EPC2: variants seen among roughly 807,000 people sequenced by gnomAD.
The protein encoded by EPC2 is enhancer of polycomb 2, also known as enhancer of polycomb homolog 2.
EPC2 carries 14 observed loss-of-function variants against 92.1 expected under a neutral mutation model. That is an observed-to-expected ratio of 0.15 (90% confidence interval 0.10 to 0.24). EPC2 has a LOEUF of 0.24. Among genes scored for constraint, EPC2 ranks in the 10% least tolerant of loss-of-function variants. The probability of loss-of-function intolerance (pLI) is 1.00; values close to 1 mark genes in which losing one functional copy is unlikely to be tolerated. For synonymous variants in EPC2, 340 were observed against 334.7 expected, an observed-to-expected ratio of 1.02 and a Z score of -0.17; for missense variants, 755 against 971.5, an observed-to-expected ratio of 0.78 and a Z score of 2.96.
chr2:148,734,677 A>C (rs1016210592), intron 2 of EPC2, among the ~76,000 whole-genome samples: 1 of 152,074 alleles, frequency 6.6e-6, no homozygotes, highest in African/African-American at 2.4e-5. Flanking sequence ...ATCTTTGGAG[A>C]TAGGTGCATT....
chr2:148,754,755 A>C (rs1016591588), intron 4 of EPC2, among the ~76,000 whole-genome samples: 2 of 152,170 alleles, frequency 1.3e-5, no homozygotes, highest in Non-Finnish European at 2.9e-5. Context: ...TTCGATTTCA[A>C]ATTGATGAGC....
chr2:148,727,283 C>T (rs1479646385), intron 2 of EPC2, among the ~76,000 whole-genome samples: 1 of 152,260 alleles, frequency 6.6e-6, no homozygotes. Flanking sequence ...TTCCATTGGT[C>T]TGTATGTCTG....
At chr2:148,726,613 G>A (rs1682499261) in intron 2 of EPC2, among the ~76,000 whole-genome samples, 1 of 151,322 alleles carries the variant, frequency 6.6e-6, no homozygotes, top group African/African-American at 2.4e-5. Flanking sequence ...GTGTTTTTTT[G>A]TTTGTTTTTT....
intron 7 of EPC2, among the ~76,000 whole-genome samples, chr2:148,767,179 C>CAG: frequency 7.4e-6 from 1 of 134,444 alleles, no homozygotes; most frequent in Admixed American, 7.9e-5. Flanking sequence ...GCCTGGGCGA[C>CAG]AGAGCAAGAC....
chr2:148,745,899 T>G (rs1054998964), intron 3 of EPC2, among the ~76,000 whole-genome samples: 4 of 152,096 alleles, frequency 2.6e-5, no homozygotes, highest in Non-Finnish European at 5.9e-5. Flanking sequence ...GGGAGACTAT[T>G]TCAATGAAGT....
intron 1 of EPC2, among the ~76,000 whole-genome samples, chr2:148,666,171 T>C (rs1357483533): frequency 6.6e-6 from 1 of 152,224 alleles, no homozygotes; most frequent in Non-Finnish European, 1.5e-5. Context: ...AGGGTCTTGC[T>C]CTGGGTCAGC....
At chr2:148,698,659 T>A (rs1488200971) in intron 2 of EPC2, among the ~76,000 whole-genome samples, 10 of 103,470 alleles carry the variant, frequency 9.7e-5, no homozygotes, top group East Asian at 7.8e-4. Flanking sequence ...AAAAAAAAAA[T>A]CTCCTGTTTC....
chr2:148,660,415 CAA>C (rs1410128265), intron 1 of EPC2, among the ~76,000 whole-genome samples: 1 of 152,020 alleles, frequency 6.6e-6, no homozygotes, highest in East Asian at 1.9e-4. Flanking sequence ...TTTTCCAAAA[CAA>C]GAGAATTTTA....
chr2:148,691,802 C>A, intron 2 of EPC2: 1 of 701,530 alleles, frequency 1.4e-6, no homozygotes, highest in South Asian at 1.5e-5. Context: ...ATACAAAATT[C>A]TTTGCTTTCC....
At chr2:148,705,948 A>G (rs1232032420) in intron 2 of EPC2, among the ~76,000 whole-genome samples, 1 of 152,238 alleles carries the variant, frequency 6.6e-6, no homozygotes, top group Non-Finnish European at 1.5e-5. Context: ...CTTCTCCTCC[A>G]AAGGATCACA....
chr2:148,765,999 G>A (rs889188497), intron 7 of EPC2, among the ~76,000 whole-genome samples: 1 of 152,178 alleles, frequency 6.6e-6, no homozygotes, highest in Non-Finnish European at 1.5e-5. Context: ...TCGCACCACT[G>A]CACTCCAGCC....
intron 1 of EPC2, among the ~76,000 whole-genome samples, chr2:148,687,143 A>C (rs1681545280): frequency 6.6e-6 from 1 of 152,142 alleles, no homozygotes; most frequent in Non-Finnish European, 1.5e-5. Context: ...TTGCTGCCTC[A>C]CCTTGCGCTT....
chr2:148,699,617 C>T (rs1390663464), intron 2 of EPC2, among the ~76,000 whole-genome samples: 4 of 152,086 alleles, frequency 2.6e-5, no homozygotes, highest in Admixed American at 2.6e-4. Context: ...TATTATATGG[C>T]TATATCACAG....
rs1168788078 is a variant in EPC2 at position 148,691,568 on chromosome 2, T to C, written c.313+1195T>C. On this transcript the variant is annotated intron_variant, in intron 2 of 13. Transcript: ENST00000258484. ...GAAATTGCATCTTAAATTGCTGTTG[T>C]TCAGGATTGAAGTCTTGTTCTTCTA... is the stretch of plus-strand genomic sequence containing the variant. The C allele has an allele frequency of 2.6e-6, 4 of 1,550,462 alleles. No individual in the cohort carries two copies. The South Asian group carries it at 4.8e-5, about 18-fold the overall frequency.
intron 10 of EPC2, among the ~76,000 whole-genome samples, chr2:148,775,775 C>CTTTTTTT (rs70995334): frequency 2.0e-4 from 18 of 92,290 alleles, no homozygotes; most frequent in South Asian, 7.7e-4. Flanking sequence ...AATTTCTTTT[C>CTTTTTTT]TTTTTTTTTT....
In EPC2 at chr2:148,762,756, C is replaced by T; in HGVS notation, c.902C>T (p.Thr301Ile). 6.2e-7 allele frequency: 1 copy of T among 1,610,492 alleles called. No individual in the cohort carries two copies. The highest frequency in any genetic ancestry group is 8.5e-7 in the Non-Finnish European group (1 of 1,178,714). ...AAAGAGTTATATGCCACTCCAGCAA[C>T]TCTTCATAATGGAAATCATCACAAA... ...SEKELYATPA[T>I]LHNGNHHKVQ... Residue 301 changes from threonine (T) to isoleucine (I), a missense_variant, in exon 6 of 14, where the codon ACT (threonine) becomes ATT (isoleucine). Thr to Ile is a moderately conservative substitution (Grantham distance 89). Coordinates refer to ENST00000258484, the MANE Select transcript of EPC2 (RefSeq NM_015630.4).
chr2:148,691,138 C>T (rs943258981), intron 2 of EPC2, among the ~76,000 whole-genome samples: 2 of 152,200 alleles, frequency 1.3e-5, no homozygotes, highest in South Asian at 2.1e-4. Flanking sequence ...ATGATCACCA[C>T]CTCTAGCGTG....
At chr2:148,683,644 A>G (rs1361148090) in intron 1 of EPC2, among the ~76,000 whole-genome samples, 2 of 152,130 alleles carry the variant, frequency 1.3e-5, no homozygotes, top group African/African-American at 4.8e-5. Flanking sequence ...TTGGTTTTCC[A>G]TTCCCGAGTT....
chr2:148,769,450 C>T (rs1360239897), intron 8 of EPC2, among the ~76,000 whole-genome samples: 4 of 152,112 alleles, frequency 2.6e-5, no homozygotes, highest in Admixed American at 6.5e-5. Context: ...GATAATTCCT[C>T]ACATTTTAGA....
Sources: allele counts gnomAD v4.1 joint callset (sites outside exome capture counted in the v4.1 genomes callset), GRCh38; gene constraint gnomAD v4.1.1; transcripts MANE v1.5; gene names NCBI Gene and HGNC (gene_info 2026-07-23, HGNC 2026-07-21).